The following RGS9 variants were observed in gnomAD, a reference collection of about 807,000 sequenced individuals.
The protein encoded by RGS9 is regulator of G-protein signalling 9.
In RGS9, 78 loss-of-function variants were observed where a neutral mutation model predicts 102.0. That is an observed-to-expected ratio of 0.76 (90% CI 0.64 to 0.92). RGS9 has a LOEUF of 0.92. Among genes scored for constraint, RGS9 ranks in the 40% least tolerant of loss-of-function variants. The pLI is 0.00. For synonymous variants in RGS9, 353 were observed against 318.6 expected, an observed-to-expected ratio of 1.11 and a Z score of -1.15; for missense variants, 833 against 866.1, an observed-to-expected ratio of 0.96 and a Z score of 0.48.
At chr17:65,186,135 A>G (rs1912106237) in intron 9 of RGS9, among the ~76,000 whole-genome samples, 1 of 151,952 alleles carries the variant, frequency 6.6e-6, no homozygotes, top group South Asian at 2.1e-4. Flanking sequence ...GTCTTGCGTT[A>G]CGGCTCTAGT....
chr17:65,217,321 C>T (rs976518693), intron 17 of RGS9, among the ~76,000 whole-genome samples: 5 of 152,304 alleles, frequency 3.3e-5, no homozygotes, highest in African/African-American at 1.2e-4. Context: ...CCTCCTGGCC[C>T]ACACAGGACT....
chr17:65,197,023 GA>G (rs1453431069), intron 12 of RGS9, 102 bp from the exon 13 acceptor site: 1 of 751,200 alleles, frequency 1.3e-6, no homozygotes, highest in Non-Finnish European at 2.4e-6. Flanking sequence ...GAGGAGGATT[GA>G]ATTGAGCCCT....
At chr17:65,207,728 T>C (rs984871403) in intron 15 of RGS9, among the ~76,000 whole-genome samples, 194 bp from the exon 16 acceptor site, 7 of 152,020 alleles carry the variant, frequency 4.6e-5, no homozygotes, top group Admixed American at 3.3e-4. Context: ...CCAGGTGAAA[T>C]TGATGCTTCT....
At chr17:65,169,039 C>T (rs939477561) in intron 8 of RGS9, among the ~76,000 whole-genome samples, 7 of 152,114 alleles carry the variant, frequency 4.6e-5, no homozygotes, top group Non-Finnish European at 1.0e-4. Flanking sequence ...TTCTGGAAAC[C>T]GAAGAGTTAG....
intron 15 of RGS9, 34 bp from the exon 16 acceptor site, chr17:65,207,888 C>A: frequency 6.7e-7 from 1 of 1,497,622 alleles, no homozygotes; most frequent in South Asian, 1.1e-5. Flanking sequence ...GCTTTTTTCT[C>A]TCATAATTAC....
chr17:65,189,003 C>A lies in RGS9; in HGVS notation c.655-283C>A. ...TTCTGTAGGCACTATGCTAAACTGA[C>A]ACCAGTTTCAAATTTAGTCCTTAAT... On this transcript the variant is annotated intron_variant, in intron 9 of 18. Transcript: ENST00000262406. 7.9e-6 allele frequency: 4 copies of A among 508,772 alleles called. No homozygotes were observed. In the South Asian group the frequency reaches 8.5e-5, roughly 11 times the overall value. 31.5% of individuals were successfully genotyped at this position (508,772 alleles called of 1,614,324 possible).
intron 9 of RGS9, 138 bp from the exon 10 acceptor site, chr17:65,189,148 A>G: frequency 1.4e-6 from 1 of 710,848 alleles, no homozygotes; most frequent in Middle Eastern, 3.8e-4. Context: ...GGCAGTAGAC[A>G]TGGAGAAATC....
intron 1 of RGS9, among the ~76,000 whole-genome samples, chr17:65,140,179 A>G (rs1247059226): frequency 6.6e-6 from 1 of 152,196 alleles, no homozygotes; most frequent in African/African-American, 2.4e-5. Context: ...AAGAAGAAAT[A>G]CAGGAGTGGT....
At chr17:65,150,218 C>A (rs1205722542) in intron 1 of RGS9, among the ~76,000 whole-genome samples, 2 of 152,218 alleles carry the variant, frequency 1.3e-5, no homozygotes, top group East Asian at 3.8e-4. Flanking sequence ...TTGTTTCCCG[C>A]TGCTGGTTCA....
intron 17 of RGS9, among the ~76,000 whole-genome samples, chr17:65,216,651 G>C (rs1260195795): frequency 1.3e-5 from 2 of 152,156 alleles, no homozygotes; most frequent in Non-Finnish European, 2.9e-5. Context: ...AAGCATTCAA[G>C]TCCTTTTTTA....
At chr17:65,213,499 G>T (rs976314950) in intron 17 of RGS9, among the ~76,000 whole-genome samples, 1 of 152,012 alleles carries the variant, frequency 6.6e-6, no homozygotes, top group Admixed American at 6.6e-5. Context: ...CAGCAGCCTG[G>T]TGGTGAGGGT....
chr17:65,179,411 G>A (rs569676888), intron 9 of RGS9, among the ~76,000 whole-genome samples: 3 of 152,274 alleles, frequency 2.0e-5, no homozygotes, highest in Admixed American at 2.0e-4. Context: ...ACAGATCACT[G>A]CTGAGGCCTT....
chr17:65,174,610 T>C (rs551027958), intron 8 of RGS9, among the ~76,000 whole-genome samples: 33 of 128,054 alleles, frequency 2.6e-4, no homozygotes, highest in African/African-American at 8.4e-4. Context: ...CCTAGGTTTG[T>C]GCATGCATGT....
intron 13 of RGS9, among the ~76,000 whole-genome samples, chr17:65,199,385 C>T (rs1470065361): frequency 6.6e-6 from 1 of 151,626 alleles, no homozygotes; most frequent in Non-Finnish European, 1.5e-5. Flanking sequence ...CAAGACATTT[C>T]ATGTAAACGA....
intron 1 of RGS9, among the ~76,000 whole-genome samples, chr17:65,146,794 G>A (rs1247742597): frequency 6.6e-6 from 1 of 152,094 alleles, no homozygotes; most frequent in Non-Finnish European, 1.5e-5. Context: ...GGAGGCTGAG[G>A]CACAAGAACC....
At chr17:65,191,854 C>G (rs1377076963) in intron 11 of RGS9, among the ~76,000 whole-genome samples, 1 of 152,208 alleles carries the variant, frequency 6.6e-6, no homozygotes, top group Non-Finnish European at 1.5e-5. Flanking sequence ...GTGCTTGTCT[C>G]TAAGGTACCA....
At chr17:65,178,866 A>G (rs150960470) in intron 9 of RGS9, among the ~76,000 whole-genome samples, 1 of 152,326 alleles carries the variant, frequency 6.6e-6, no homozygotes, top group Non-Finnish European at 1.5e-5. Context: ...CAGCATCCCC[A>G]GCTCTGCCCA....
chr17:65,139,557 G>C (rs545995405), intron 1 of RGS9, among the ~76,000 whole-genome samples: 1 of 152,052 alleles, frequency 6.6e-6, no homozygotes, highest in East Asian at 1.9e-4. Context: ...TTAGGAACCC[G>C]GTGCCCTTTC....
At position 65,168,236 on chromosome 17, in the gene RGS9, C is replaced by T. The variant is rs756009477; in HGVS notation, c.537C>T (p.Ala179=). 3.1e-6 allele frequency: 5 copies of T among 1,611,662 alleles called. No individual in the cohort carries two copies. Among genetic ancestry groups the T allele is most frequent in the African/African-American group, 1.3e-5 (1 of 75,016 alleles). ...AGAGGAACAAAGCAGACAGATATGC[C>T]CTGGACTGCCAGGAGAAGGCATACT... ...GKERNKADRY[A]LDCQEKAYWL... is the part of the protein sequence containing the mutation. Residue 179 remains alanine, a synonymous_variant, in exon 8 of 19, where the codon GCC becomes GCT. Coordinates refer to ENST00000262406, the MANE Select transcript of RGS9 (RefSeq NM_003835.4).
Sources: allele counts gnomAD v4.1 joint callset (sites outside exome capture counted in the v4.1 genomes callset), GRCh38; gene constraint gnomAD v4.1.1; transcripts MANE v1.5; gene names NCBI Gene and HGNC (gene_info 2026-07-23, HGNC 2026-07-21).